Variants in CYSLTR1 observed in about 807,000 individuals in gnomAD.
CYSLTR1 encodes the protein G-protein coupled receptor HG55.
A neutral mutation model predicts 2.1 loss-of-function variants in CYSLTR1; 1 was observed. The ratio of observed to expected loss-of-function variants is 0.48; its 90% CI spans 0.17 to 2.28. CYSLTR1 has a LOEUF of 2.28. Ranked by LOEUF, CYSLTR1 falls within the 30% of genes most tolerant of loss-of-function variation. The pLI is 0.26. For missense variants in CYSLTR1, 299 were observed against 250.1 expected (o/e 1.20, Z -1.32); for synonymous variants, 110 against 89.6 (o/e 1.23, Z -1.28).
At chrX:78,322,030 G>T (rs1923686949) in intron 1 of CYSLTR1, among the ~76,000 whole-genome samples, 1 of 111,372 alleles carries the variant, frequency 9.0e-6, no homozygotes, top group African/African-American at 3.3e-5. Context: ...GAGGAAGTGG[G>T]GAGGCTGGGA....
At chrX:78,300,633 G>A (rs1374329426) in intron 1 of CYSLTR1, among the ~76,000 whole-genome samples, 2 of 112,538 alleles carry the variant, frequency 1.8e-5, no homozygotes, top group Non-Finnish European at 3.8e-5. Context: ...CAAACAAACA[G>A]TGATATAGTT....
chrX:78,284,856 A>G (rs1054321538), intron 1 of CYSLTR1, among the ~76,000 whole-genome samples: 1 of 111,046 alleles, frequency 9.0e-6, no homozygotes, highest in Non-Finnish European at 1.9e-5. Context: ...TACAGCTGCA[A>G]TATTGGAGTT....
chrX:78,280,875 G>A (rs1376422647), intron 2 of CYSLTR1, among the ~76,000 whole-genome samples: 1 of 111,543 alleles, frequency 9.0e-6, no homozygotes, highest in African/African-American at 3.3e-5. Context: ...TAAGGATAAT[G>A]GCCTCCAGCT....
At position 78,272,998 on chromosome X, in the gene CYSLTR1, T is replaced by C; in HGVS notation, c.749A>G (p.His250Arg). The C allele has an allele frequency of 8.3e-7, 1 of 1,211,609 alleles. No individual in the cohort carries two copies. Among genetic ancestry groups the C allele is most frequent in the Non-Finnish European group, 1.1e-6 (1 of 895,444 alleles). ...AAFLVSFMPY[H>R]IQRTIHLHFL... ...ATGAAGGTGAATGGTACGTTGAATA[T>C]GATATGGCATGAAACTGACTAAAAA... The change falls in exon 3 of 3, where the codon CAT (histidine) becomes CGT (arginine). Residue 250 changes from histidine to arginine, a missense_variant. By Grantham distance (29) the His-to-Arg change is conservative (BLOSUM62 0). Transcript: ENST00000373304.
At chrX:78,299,806 T>C (rs1486080172) in intron 1 of CYSLTR1, among the ~76,000 whole-genome samples, 5 of 111,535 alleles carry the variant, frequency 4.5e-5, no homozygotes, top group Non-Finnish European at 9.4e-5. Flanking sequence ...TCTATAACTT[T>C]CTTGCACTTG....
chrX:78,315,805 C>T (rs1169203247), intron 1 of CYSLTR1, among the ~76,000 whole-genome samples: 1 of 112,346 alleles, frequency 8.9e-6, no homozygotes, highest in Non-Finnish European at 1.9e-5. Flanking sequence ...AACGGCACCA[C>T]AGGACCCACC....
At chrX:78,313,652 G>A (rs1923297034) in intron 1 of CYSLTR1, among the ~76,000 whole-genome samples, 1 of 111,654 alleles carries the variant, frequency 9.0e-6, no homozygotes, top group East Asian at 2.8e-4. Context: ...ATGGGCTTTA[G>A]TCAGAGTGTT....
intron 2 of CYSLTR1, among the ~76,000 whole-genome samples, chrX:78,278,522 A>G (rs1050302251): frequency 8.9e-6 from 1 of 112,471 alleles, no homozygotes; most frequent in African/African-American, 3.2e-5. Context: ...AAGAATCAAT[A>G]TTGTTAAAAT....
At chrX:78,273,931 C>T (rs767702516) in intron 2 of CYSLTR1, among the ~76,000 whole-genome samples, 158 bp from the exon 3 acceptor site, 164 of 111,059 alleles carry the variant, frequency 1.5e-3, no homozygotes, top group African/African-American at 4.8e-3. Flanking sequence ...CCTTATCCTC[C>T]GGAGAAGAGT....
chrX:78,324,411 C>T (rs989747125), intron 1 of CYSLTR1, among the ~76,000 whole-genome samples: 2 of 112,141 alleles, frequency 1.8e-5, no homozygotes, highest in African/African-American at 6.5e-5. Flanking sequence ...CTTTGTCGCC[C>T]GGCTTGAGTG....
intron 1 of CYSLTR1, among the ~76,000 whole-genome samples, chrX:78,305,729 A>T (rs1439082820): frequency 8.9e-6 from 1 of 112,681 alleles, no homozygotes; most frequent in African/African-American, 3.2e-5. Flanking sequence ...GAATAAGTGC[A>T]GTATTTATCT....
intron 1 of CYSLTR1, chrX:78,321,413 C>A (rs1361035532): frequency 9.1e-6 from 1 of 110,410 alleles, no homozygotes; most frequent in East Asian, 2.8e-4. Flanking sequence ...ACAAAGACGG[C>A]ATAGCGGTGG....
At chrX:78,296,035 T>C (rs1219158162) in intron 1 of CYSLTR1, among the ~76,000 whole-genome samples, 1 of 111,846 alleles carries the variant, frequency 8.9e-6, no homozygotes, top group Non-Finnish European at 1.9e-5. Flanking sequence ...CTTGAGGCCT[T>C]AGATTTAAGT....
chrX:78,313,157 T>C (rs1923279850), intron 1 of CYSLTR1, among the ~76,000 whole-genome samples: 1 of 112,155 alleles, frequency 8.9e-6, no homozygotes, highest in Non-Finnish European at 1.9e-5. Context: ...TCATGTCCTT[T>C]GCAGCAAGAT....
rs1921289617 is a variant in CYSLTR1 at position 78,272,186 on chromosome X, C to T, written c.*547G>A. The T allele has an allele frequency of 9.0e-6, 1 of 111,713 alleles. No homozygotes were observed. The highest frequency in any genetic ancestry group is 3.3e-5 in the African/African-American group (1 of 30,714). 9.2% of individuals were successfully genotyped at this position (111,713 alleles called of 1,213,427 possible). On this transcript the variant is annotated 3_prime_UTR_variant, in exon 3 of 3. Coordinates refer to ENST00000373304, the MANE Select transcript of CYSLTR1 (RefSeq NM_006639.4). ...GTCTGTTCTAGCACTTTTACATTCT[C>T]TTTTGGAAGAAATGGCCCTAATTTG...
intron 1 of CYSLTR1, among the ~76,000 whole-genome samples, chrX:78,284,938 C>T (rs1412588178): frequency 9.0e-6 from 1 of 111,233 alleles, no homozygotes; most frequent in East Asian, 2.8e-4. Context: ...CAAATTGTTC[C>T]TTTTTCTCTA....
At chrX:78,315,589 G>A (rs1354037021) in intron 1 of CYSLTR1, among the ~76,000 whole-genome samples, 1 of 111,497 alleles carries the variant, frequency 9.0e-6, no homozygotes, top group Non-Finnish European at 1.9e-5. Context: ...AGGGAACTTG[G>A]CCCTTAAGGG....
chrX:78,325,745 A>T (rs1208543820), intron 1 of CYSLTR1, among the ~76,000 whole-genome samples: 1 of 112,281 alleles, frequency 8.9e-6, no homozygotes, highest in Non-Finnish European at 1.9e-5. Context: ...TATGATAGTT[A>T]CCATTCATAG....
chrX:78,324,186 G>T (rs1201427859), intron 1 of CYSLTR1, among the ~76,000 whole-genome samples: 1 of 111,626 alleles, frequency 9.0e-6, no homozygotes, highest in Middle Eastern at 4.3e-3. Context: ...AAAGGCAAAA[G>T]TAATTGCCAT....
Sources: allele counts gnomAD v4.1 joint callset (sites outside exome capture counted in the v4.1 genomes callset), GRCh38; gene constraint gnomAD v4.1.1; transcripts MANE v1.5; gene names NCBI Gene and HGNC (gene_info 2026-07-23, HGNC 2026-07-21).